GAP43: variants seen among roughly 807,000 people sequenced by gnomAD.
The protein encoded by GAP43 is growth associated protein 43.
Under a neutral mutation model 18.6 loss-of-function variants are expected in GAP43, and 6 were observed. The ratio of observed to expected loss-of-function variants is 0.32; its 90% CI spans 0.18 to 0.64. The LOEUF is 0.64. GAP43 is among the 30% of genes least tolerant of loss of function. The probability of loss-of-function intolerance (pLI) is 0.78; values close to 1 mark genes in which losing one functional copy is unlikely to be tolerated. For synonymous variants in GAP43, 115 were observed against 111.4 expected (o/e 1.03, Z -0.20); for missense variants, 292 against 295.5 (o/e 0.99, Z 0.09).
In GAP43 at chr3:115,681,584, G is replaced by A. The variant is rs530616002; in HGVS notation, c.628+4974G>A. On this transcript the variant is annotated intron_variant, in intron 2 of 2. Transcript: ENST00000305124. ...CAGTATTTCTACCAACCAGATTTTA[G>A]GCAAGTTATTGCTTCTCTGGACCTC... is the stretch of plus-strand genomic sequence containing the variant. 5.3e-5 allele frequency among the ~76,000 whole-genome samples: 8 copies of A among 152,098 alleles called. No individual in the cohort carries two copies. In the South Asian group the frequency reaches 1.2e-3, roughly 24 times the overall value.
chr3:115,705,401 T>C (rs1201918683), intron 2 of GAP43, among the ~76,000 whole-genome samples: 1 of 152,168 alleles, frequency 6.6e-6, no homozygotes. Context: ...AAGGTAAATA[T>C]TGGAAATACC....
chr3:115,644,333 T>C lies in GAP43; in HGVS notation c.30+20614T>C, dbSNP rs1207709942. Among the ~76,000 whole-genome samples, 1 of 152,036 alleles carries C rather than the reference T, an allele frequency of 6.6e-6. No homozygotes were observed. Among genetic ancestry groups the C allele is most frequent in the East Asian group, 1.9e-4 (1 of 5,176 alleles). ...TGAGTGATTATTGTATTTTACCTGA[T>C]AGTTTTTGGACAGGACTATCAGGGT... is the stretch of plus-strand genomic sequence containing the variant. On this transcript the variant is annotated intron_variant, in intron 1 of 2. Coordinates refer to ENST00000305124, the MANE Select transcript of GAP43 (RefSeq NM_002045.4). This position sits in a 1 kb window ranked among gnomAD's most constrained non-coding sequence, Gnocchi z 4.2.
At chr3:115,669,601 T>C (rs1428070055) in intron 1 of GAP43, among the ~76,000 whole-genome samples, 1 of 152,170 alleles carries the variant, frequency 6.6e-6, no homozygotes, top group Non-Finnish European at 1.5e-5. Context: ...ATAATAGGGT[T>C]ATAGATATAC....
chr3:115,647,696 G>C (rs1026009234), intron 1 of GAP43, among the ~76,000 whole-genome samples: 1 of 148,496 alleles, frequency 6.7e-6, no homozygotes, highest in African/African-American at 2.5e-5. Context: ...GAGGGAAAAT[G>C]AGCCTGTAAG....
chr3:115,687,249 A>G (rs1709046835), intron 2 of GAP43, among the ~76,000 whole-genome samples: 1 of 152,184 alleles, frequency 6.6e-6, no homozygotes, highest in Non-Finnish European at 1.5e-5. Context: ...TAAAAGAGTC[A>G]ATGCCAATCG....
At chr3:115,647,523 A>G (rs1176053363) in intron 1 of GAP43, among the ~76,000 whole-genome samples, 1 of 152,028 alleles carries the variant, frequency 6.6e-6, no homozygotes, top group Non-Finnish European at 1.5e-5. Context: ...GAGGCAAGGG[A>G]AACTGAAAGC....
intron 1 of GAP43, among the ~76,000 whole-genome samples, chr3:115,643,751 C>T: frequency 6.6e-6 from 1 of 151,902 alleles, no homozygotes; most frequent in Non-Finnish European, 1.5e-5. Flanking sequence ...TTTCTCCAGC[C>T]CTTGTATCTA....
chr3:115,712,347 T>C (rs1354099015), intron 2 of GAP43, among the ~76,000 whole-genome samples: 2 of 152,172 alleles, frequency 1.3e-5, no homozygotes, highest in Non-Finnish European at 2.9e-5. Flanking sequence ...ACAGAAACAT[T>C]CTAGGGGAGA....
intron 1 of GAP43, among the ~76,000 whole-genome samples, chr3:115,631,000 T>G (rs1053421538): frequency 5.3e-5 from 8 of 152,160 alleles, no homozygotes; most frequent in African/African-American, 1.9e-4. Flanking sequence ...AGACGACCAT[T>G]TCTGATTACT....
intron 1 of GAP43, among the ~76,000 whole-genome samples, chr3:115,666,115 A>G (rs923833673): frequency 2.6e-5 from 4 of 151,890 alleles, no homozygotes; most frequent in Admixed American, 2.6e-4. Flanking sequence ...CTAAGCTCCT[A>G]CACTAGGTGA....
chr3:115,661,831 C>CTTTTTTTTTTTTTTTTTTT lies in GAP43; in HGVS notation c.31-14168_31-14167insTTTTTTTTTTTTTTTTTTT, dbSNP rs56209932. Among the ~76,000 whole-genome samples, 31 of 105,950 alleles carry CTTTTTTTTTTTTTTTTTTT rather than the reference C, an allele frequency of 2.9e-4. 2 individuals carry two copies. The highest frequency in any genetic ancestry group is 1.3e-3 in the African/African-American group (31 of 24,558). 69.5% of individuals were successfully genotyped at this position (105,950 alleles called of 152,430 possible). On this transcript the variant is annotated intron_variant, in intron 1 of 2. Transcript: ENST00000305124. Reference sequence around the variant, plus strand: ...AGTTTGGCTTGGGGAGAAACTAGGGCTTTTTTTTTTTTTTACCTGGGAGCT... The same window carrying CTTTTTTTTTTTTTTTTTTT: ...AGTTTGGCTTGGGGAGAAACTAGGGCTTTTTTTTTTTTTTTTTTTTTTTTTTTTTTTTTACCTGGGAGCT...
intron 2 of GAP43, among the ~76,000 whole-genome samples, chr3:115,680,471 C>G (rs1708947772): frequency 6.6e-6 from 1 of 152,006 alleles, no homozygotes; most frequent in Non-Finnish European, 1.5e-5. Context: ...AAAAGTAAAC[C>G]AAACCAAAAC....
chr3:115,671,873 T>C (rs773349503), intron 1 of GAP43, among the ~76,000 whole-genome samples: 2 of 152,050 alleles, frequency 1.3e-5, no homozygotes, highest in African/African-American at 2.4e-5. Context: ...AAAAGAAGAG[T>C]GTAAGATCAG....
In GAP43 at chr3:115,720,732, C is replaced by T. The variant is rs562305748; in HGVS notation, c.629-62C>T. 1.0e-5 allele frequency: 11 copies of T among 1,048,750 alleles called. No individual in the cohort carries two copies. In the South Asian group the frequency reaches 1.5e-4, roughly 14 times the overall value. The allele number at this position is 1,048,750 out of a possible 1,614,324, so 65.0% of individuals were successfully genotyped here. On this transcript the variant is annotated intron_variant, in intron 2 of 2. Transcript: ENST00000305124. ...GAAATGCATTGCACTGTTGTATGAG[C>T]AGATAAGACAAAATACTAATTCTCT... is the stretch of plus-strand genomic sequence containing the variant.
At chr3:115,653,328 C>G (rs9809712) in intron 1 of GAP43, among the ~76,000 whole-genome samples, 68,873 of 151,562 alleles carry the variant, frequency 0.45, 15,836 homozygotes, top group Middle Eastern at 0.56. Flanking sequence ...TGTAATCCCA[C>G]CTACTTGGGA....
chr3:115,656,496 T>C (rs1457521828), intron 1 of GAP43, among the ~76,000 whole-genome samples: 1 of 152,190 alleles, frequency 6.6e-6, no homozygotes, highest in African/African-American at 2.4e-5. Context: ...CAAGCCTCTT[T>C]GGTGTAAATA....
chr3:115,676,674 C>T, intron 2 of GAP43, 64 bp downstream of exon 2: 1 of 1,441,028 alleles, frequency 6.9e-7, no homozygotes, highest in Non-Finnish European at 9.2e-7. Flanking sequence ...TTCGGAAGAC[C>T]AGGCCACCTG....
At chr3:115,624,721 G>C (rs1479169944) in intron 1 of GAP43, among the ~76,000 whole-genome samples, 2 of 152,110 alleles carry the variant, frequency 1.3e-5, no homozygotes, top group Non-Finnish European at 2.9e-5. Flanking sequence ...CTTGATTGGG[G>C]TGAGAGTGGG....
At chr3:115,641,939 T>C (rs1269680580) in intron 1 of GAP43, among the ~76,000 whole-genome samples, 1 of 152,066 alleles carries the variant, frequency 6.6e-6, no homozygotes, top group African/African-American at 2.4e-5. Context: ...TCCTGTCTCC[T>C]CTGAAACCCC....
Sources: allele counts gnomAD v4.1 joint callset (sites outside exome capture counted in the v4.1 genomes callset), GRCh38; gene constraint gnomAD v4.1.1; non-coding constraint Gnocchi (gnomAD v3.1); transcripts MANE v1.5; gene names NCBI Gene and HGNC (gene_info 2026-07-23, HGNC 2026-07-21).